SMCHD1: variants seen among roughly 807,000 people sequenced by gnomAD.
SMCHD1 encodes the protein structural maintenance of chromosomes flexible hinge domain containing 1.
A neutral mutation model predicts 254.7 loss-of-function variants in SMCHD1; 78 were observed. The observed-to-expected ratio is 0.31, with a 90% CI of 0.26 to 0.37. The LOEUF (loss-of-function observed/expected upper bound fraction) is 0.37. SMCHD1 is among the 10% of genes least tolerant of loss of function. The pLI, the probability that SMCHD1 is intolerant of heterozygous loss-of-function variation, is 1.00. For synonymous variants in SMCHD1, 766 were observed against 794.9 expected (o/e 0.96, Z 0.61); for missense variants, 1,840 against 2,408.1 (o/e 0.76, Z 4.94).
rs1269352771 is a variant in SMCHD1 at position 2,771,513 on chromosome 18, T to C, written c.4967-20T>C. ...GGGGGCTATCAGAAATTGATGCAAA[T>C]TTTTGGTTTTTTATTTTAGGTCAAG... On this transcript the variant is annotated intron_variant, in intron 39 of 47. Transcript: ENST00000320876. The C allele has an allele frequency of 1.9e-6, 3 of 1,546,372 alleles. No homozygotes were observed. The highest frequency in any genetic ancestry group is 1.4e-5 in the African/African-American group (1 of 70,428).
chr18:2,662,865 A>G (rs948363768), intron 1 of SMCHD1, among the ~76,000 whole-genome samples: 3 of 152,110 alleles, frequency 2.0e-5, no homozygotes, highest in Admixed American at 6.6e-5. Flanking sequence ...TGCATGGAAT[A>G]TGAGTATCTT....
In SMCHD1 at chr18:2,750,378, A is replaced by G. The variant is rs1568305899; in HGVS notation, c.4036A>G (p.Ile1346Val). ...AGAGCATACTCTTCAGGTTAAAGCC[A>G]TCTATAACAAAAGTATCATAGAAGG... ...RGEHTLQVKA[I>V]YNKSIIEGPI... The change falls in exon 32 of 48, where the codon ATC becomes GTC. Residue 1346 changes from isoleucine to valine, a missense_variant. Ile to Val is a conservative substitution (Grantham distance 29). This residue lies in a region of SMCHD1 where 881 missense variants were observed against 1,009.5 expected (regional missense o/e 0.87). Transcript: ENST00000320876. 2 of 1,612,732 alleles carry G rather than the reference A, an allele frequency of 1.2e-6. No homozygotes were observed. The highest frequency in any genetic ancestry group is 8.5e-7 in the Non-Finnish European group (1 of 1,179,126).
At chr18:2,681,566 C>T (rs188200726) in intron 5 of SMCHD1, among the ~76,000 whole-genome samples, 18 of 129,648 alleles carry the variant, frequency 1.4e-4, no homozygotes, top group Non-Finnish European at 4.7e-5. Context: ...GCCTGGGCGA[C>T]TGAGTGAGAT....
chr18:2,752,803 A>G (rs769385376), intron 34 of SMCHD1: 82 of 364,564 alleles, frequency 2.2e-4, no homozygotes, highest in Non-Finnish European at 3.8e-4. Context: ...GAATTCTTTT[A>G]TGTTGTCAGG....
intron 21 of SMCHD1, among the ~76,000 whole-genome samples, chr18:2,725,233 C>T (rs1199009828): frequency 1.3e-5 from 2 of 151,504 alleles, no homozygotes; most frequent in African/African-American, 2.4e-5. Context: ...TCACCTCTCC[C>T]CGTTATCTAT....
intron 17 of SMCHD1, among the ~76,000 whole-genome samples, chr18:2,715,298 A>G (rs2074771953): frequency 6.6e-6 from 1 of 152,048 alleles, no homozygotes; most frequent in Non-Finnish European, 1.5e-5. Flanking sequence ...ATCATTTTTT[A>G]CAATTCTTTT....
chr18:2,692,879 C>T (rs1397389041), intron 7 of SMCHD1, among the ~76,000 whole-genome samples: 2 of 152,128 alleles, frequency 1.3e-5, no homozygotes, highest in South Asian at 2.1e-4. Flanking sequence ...TTCTCAGGCC[C>T]AAGTTGAGGC....
intron 3 of SMCHD1, among the ~76,000 whole-genome samples, chr18:2,672,579 A>G (rs1221755284): frequency 1.3e-5 from 2 of 152,224 alleles, no homozygotes; most frequent in Non-Finnish European, 2.9e-5. Context: ...CTTCTGCAGA[A>G]TTAAGATACG....
At position 2,655,967 on chromosome 18, in the gene SMCHD1, G is replaced by C. The variant is rs2073040445; in HGVS notation, c.-109G>C. 1 of 879,476 alleles carries C rather than the reference G, an allele frequency of 1.1e-6. No homozygotes were observed. Among genetic ancestry groups the C allele is most frequent in the Non-Finnish European group, 1.5e-6 (1 of 666,628 alleles). 54.5% of individuals were successfully genotyped at this position (879,476 alleles called of 1,614,324 possible). ...GAGGAGCTGCAGCGCGCCGGGCCGA[G>C]GCCTCGAGCCGCCCCGGGAGCTGGA... On this transcript the variant is annotated 5_prime_UTR_variant, in exon 1 of 48. Transcript: ENST00000320876.
rs1232166578 is a variant in SMCHD1 at position 2,735,093 on chromosome 18, G to A, written c.3276+2601G>A. Among the ~76,000 whole-genome samples the A allele has an allele frequency of 4.6e-5, 7 of 151,086 alleles. No individual in the cohort carries two copies. In the East Asian group the frequency reaches 5.8e-4, roughly 13 times the overall value. On this transcript the variant is annotated intron_variant, in intron 25 of 47. Coordinates refer to ENST00000320876, the MANE Select transcript of SMCHD1 (RefSeq NM_015295.3). ...CAAAAAAAAAAAGTTAATTCACCAC[G>A]AACAAGTAGGCTTTATTTTTGAGAT...
In SMCHD1 at chr18:2,750,030, G is replaced by A. The variant is rs1007608206; in HGVS notation, c.3928-13G>A. ...ATTTTCTAATTAACCATTTTGTTTT[G>A]TTTTGTTTTTAGCTCATGCCTTCAA... is the stretch of plus-strand genomic sequence containing the variant. On this transcript the variant is annotated splice_polypyrimidine_tract_variant and intron_variant, in intron 30 of 47. Coordinates refer to ENST00000320876, the MANE Select transcript of SMCHD1 (RefSeq NM_015295.3). 9.1e-6 allele frequency: 14 copies of A among 1,545,146 alleles called. No homozygotes were observed. The highest frequency in any genetic ancestry group is 2.1e-5 in the Admixed American group (1 of 48,286).
chr18:2,732,954 C>T (rs2075171870), intron 25 of SMCHD1, among the ~76,000 whole-genome samples: 1 of 152,176 alleles, frequency 6.6e-6, no homozygotes, highest in Non-Finnish European at 1.5e-5. Context: ...AAATATGATC[C>T]TTAGAAAAGA....
At chr18:2,732,150 C>T (rs780194060) in intron 24 of SMCHD1, 115 bp from the exon 25 acceptor site, 12 of 718,036 alleles carry the variant, frequency 1.7e-5, no homozygotes, top group Non-Finnish European at 2.8e-5. Flanking sequence ...ATGACAAAAC[C>T]TGTGAGTATA....
intron 34 of SMCHD1, chr18:2,753,022 T>C (rs2075605112): frequency 6.0e-6 from 1 of 167,438 alleles, no homozygotes. Flanking sequence ...TCAGACTAAT[T>C]GGTAAAGGAC....
At chr18:2,778,091 A>G in intron 43 of SMCHD1, 78 bp from the exon 44 acceptor site, 1 of 1,153,880 alleles carries the variant, frequency 8.7e-7, no homozygotes, top group East Asian at 2.6e-5. Context: ...TCAAAGAAAG[A>G]CTTGCAATGT....
intron 5 of SMCHD1, among the ~76,000 whole-genome samples, chr18:2,681,802 C>T (rs905222437): frequency 2.0e-5 from 3 of 152,074 alleles, no homozygotes; most frequent in African/African-American, 7.2e-5. Flanking sequence ...ACTCTTTCTG[C>T]ACTTTCAACT....
At chr18:2,656,428 A>G (rs1031819351) in intron 1 of SMCHD1, among the ~76,000 whole-genome samples, 167 bp downstream of exon 1, 1 of 152,034 alleles carries the variant, frequency 6.6e-6, no homozygotes, top group Admixed American at 6.5e-5. Context: ...TGGTGGCCGG[A>G]CGCCTCGGGC....
At chr18:2,677,831 C>G (rs1342348902) in intron 5 of SMCHD1, among the ~76,000 whole-genome samples, 1 of 152,132 alleles carries the variant, frequency 6.6e-6, no homozygotes, top group Non-Finnish European at 1.5e-5. Context: ...GTTGCCCAGG[C>G]TGGTCTCCAA....
At chr18:2,671,465 T>C (rs2073598692) in intron 3 of SMCHD1, among the ~76,000 whole-genome samples, 1 of 152,180 alleles carries the variant, frequency 6.6e-6, no homozygotes, top group Non-Finnish European at 1.5e-5. Flanking sequence ...AACCCCAGTG[T>C]TTAAAATCTT....
Sources: allele counts gnomAD v4.1 joint callset (sites outside exome capture counted in the v4.1 genomes callset), GRCh38; gene constraint gnomAD v4.1.1; regional missense constraint gnomAD v4.1.1; transcripts MANE v1.5; gene names NCBI Gene and HGNC (gene_info 2026-07-23, HGNC 2026-07-21).